THRB: variants seen among roughly 807,000 people sequenced by gnomAD.
THRB encodes thyroid hormone receptor beta.
THRB carries 12 observed loss-of-function variants against 47.8 expected under a neutral mutation model. That is an observed-to-expected ratio of 0.25 (90% CI 0.16 to 0.41). The LOEUF (loss-of-function observed/expected upper bound fraction) is 0.41. Ranked by LOEUF, THRB falls within the 10% of genes least tolerant of loss-of-function variation. The pLI is 1.00. For synonymous variants in THRB, 218 were observed against 212.2 expected, an observed-to-expected ratio of 1.03 and a Z score of -0.24; for missense variants, 348 against 589.2, an observed-to-expected ratio of 0.59 and a Z score of 4.24.
chr3:24,137,014 C>T (rs116336184), intron 8 of THRB, among the ~76,000 whole-genome samples: 159 of 152,290 alleles, frequency 1.0e-3, no homozygotes, highest in African/African-American at 3.7e-3. Flanking sequence ...AGATGTTTTC[C>T]CAGGTGACCT....
intron 1 of THRB, among the ~76,000 whole-genome samples, chr3:24,432,862 T>C (rs1865712): frequency 0.25 from 37,876 of 151,806 alleles, 5,261 homozygotes; most frequent in East Asian, 0.37. Context: ...CCTATTACAG[T>C]CCAACAATTT....
At chr3:24,377,498 G>A (rs1329340587) in intron 1 of THRB, among the ~76,000 whole-genome samples, 1 of 152,160 alleles carries the variant, frequency 6.6e-6, no homozygotes, top group Non-Finnish European at 1.5e-5. Context: ...TAGGGATGGG[G>A]AAATAGAGAT....
At chr3:24,479,319 TAAAC>T (rs1272331780) in intron 1 of THRB, among the ~76,000 whole-genome samples, 4 of 151,894 alleles carry the variant, frequency 2.6e-5, no homozygotes, top group African/African-American at 4.8e-5. Context: ...GACAAACAAA[TAAAC>T]AAACAAAAAT....
chr3:24,132,161 CTT>C (rs895062198), intron 9 of THRB, among the ~76,000 whole-genome samples: 2 of 152,252 alleles, frequency 1.3e-5, no homozygotes, highest in African/African-American at 4.8e-5. Context: ...GGTGAGGAAA[CTT>C]AGCTTCTTTT....
chr3:24,230,073 G>A (rs956220474), intron 3 of THRB, among the ~76,000 whole-genome samples: 1 of 152,190 alleles, frequency 6.6e-6, no homozygotes, highest in Admixed American at 6.5e-5. Flanking sequence ...ATGAAAGGGA[G>A]GAACAATCTT....
At chr3:24,481,157 C>T (rs1054416905) in intron 1 of THRB, among the ~76,000 whole-genome samples, 2 of 147,498 alleles carry the variant, frequency 1.4e-5, no homozygotes, top group Admixed American at 1.4e-4. Flanking sequence ...GGCCATGATT[C>T]TTCCCAACTT....
intron 1 of THRB, 117 bp downstream of exon 1, chr3:24,494,535 T>G (rs1698733545): frequency 6.6e-6 from 1 of 151,640 alleles, no homozygotes; most frequent in African/African-American, 2.4e-5. Flanking sequence ...CTCACCCGCC[T>G]GCCCGCCCGC....
At chr3:24,164,380 C>T (rs2039339492) in intron 5 of THRB, among the ~76,000 whole-genome samples, 1 of 152,154 alleles carries the variant, frequency 6.6e-6, no homozygotes, top group African/African-American at 2.4e-5. Flanking sequence ...GATATGATTA[C>T]AGACATGTTC....
At chr3:24,417,747 T>C (rs1360214842) in intron 1 of THRB, among the ~76,000 whole-genome samples, 1 of 151,960 alleles carries the variant, frequency 6.6e-6, no homozygotes, top group East Asian at 1.9e-4. Context: ...ACAAATGTCA[T>C]TGAGAGCTTG....
chr3:24,128,863 C>CTT (rs57890674), intron 9 of THRB, among the ~76,000 whole-genome samples: 2,355 of 86,908 alleles, frequency 0.027, 257 homozygotes, highest in Middle Eastern at 0.047. Context: ...AAACATAACT[C>CTT]TTTTTTTTTT....
intron 1 of THRB, among the ~76,000 whole-genome samples, chr3:24,435,693 C>T (rs2070873453): frequency 6.6e-6 from 1 of 152,198 alleles, no homozygotes; most frequent in Non-Finnish European, 1.5e-5. Flanking sequence ...GCCACCCCCA[C>T]TCAACAACTT....
rs146065453 is a variant in THRB, at chr3:24,236,145, TAGG to T, written c.-42-7147_-42-7145del. Among the ~76,000 whole-genome samples the T allele has an allele frequency of 1.8e-3, 281 of 152,224 alleles. 5 individuals carry two copies. The East Asian group carries it at 0.037, about 20-fold the overall frequency. Reference sequence around the variant, plus strand: ...CCCCTTCTTTTCCTTATCCCCCTCATAGGAGGAGAGGGAGAGCTATACATCAAA... The same window carrying T: ...CCCCTTCTTTTCCTTATCCCCCTCATAGGAGAGGGAGAGCTATACATCAAA... On this transcript the variant is annotated intron_variant, in intron 3 of 10. Transcript: ENST00000646209.
chr3:24,220,708 G>C (rs1559643520), intron 4 of THRB, among the ~76,000 whole-genome samples: 2 of 151,072 alleles, frequency 1.3e-5, no homozygotes, highest in Non-Finnish European at 1.5e-5. Flanking sequence ...TTTGGTCTCA[G>C]CTTACTAAAA....
chr3:24,267,022 CT>C (rs1559777171), intron 3 of THRB, among the ~76,000 whole-genome samples: 1 of 151,422 alleles, frequency 6.6e-6, no homozygotes, highest in Non-Finnish European at 1.5e-5. Flanking sequence ...AAAGTTTCCC[CT>C]GAATACTTAA....
At chr3:24,196,473 C>A (rs2043967758) in intron 4 of THRB, among the ~76,000 whole-genome samples, 1 of 152,204 alleles carries the variant, frequency 6.6e-6, no homozygotes, top group South Asian at 2.1e-4. Context: ...CAGTGTCCTG[C>A]ACATTGTAAG....
intron 1 of THRB, among the ~76,000 whole-genome samples, chr3:24,492,571 T>C (rs1698319334): frequency 6.6e-6 from 1 of 152,182 alleles, no homozygotes; most frequent in African/African-American, 2.4e-5. Flanking sequence ...TGCAATACCA[T>C]TTGTGGCTCC....
At chr3:24,335,651 A>G (rs1462291947) in intron 2 of THRB, among the ~76,000 whole-genome samples, 1 of 152,196 alleles carries the variant, frequency 6.6e-6, no homozygotes, top group Non-Finnish European at 1.5e-5. Context: ...GCCCCTTGCC[A>G]GCCAATCCTC....
intron 9 of THRB, among the ~76,000 whole-genome samples, chr3:24,128,695 A>T (rs143866628): frequency 6.1e-4 from 91 of 148,524 alleles, no homozygotes; most frequent in African/African-American, 2.2e-3. Flanking sequence ...AGTACAATGA[A>T]GTAAATATTC....
At chr3:24,434,716 G>A (rs1483854587) in intron 1 of THRB, among the ~76,000 whole-genome samples, 2 of 152,158 alleles carry the variant, frequency 1.3e-5, no homozygotes, top group Non-Finnish European at 2.9e-5. Flanking sequence ...TGAAAGAAGA[G>A]GACATCTTTA....
Sources: allele counts gnomAD v4.1 joint callset (sites outside exome capture counted in the v4.1 genomes callset), GRCh38; gene constraint gnomAD v4.1.1; transcripts MANE v1.5; gene names NCBI Gene and HGNC (gene_info 2026-07-23, HGNC 2026-07-21).